The following RBFOX1 variants were observed in gnomAD, a reference collection of about 807,000 sequenced individuals.
RBFOX1 encodes RNA binding fox-1 homolog 1.
Under a neutral mutation model 57.7 loss-of-function variants are expected in RBFOX1, and 8 were observed. The ratio of observed to expected loss-of-function variants is 0.14; its 90% CI spans 0.08 to 0.25. The LOEUF (loss-of-function observed/expected upper bound fraction) is 0.25. Ranked by LOEUF, RBFOX1 falls within the 10% of genes least tolerant of loss-of-function variation. The probability of loss-of-function intolerance (pLI) is 1.00; values close to 1 mark genes in which losing one functional copy is unlikely to be tolerated. For missense variants in RBFOX1, 611 were observed against 548.5 expected (o/e 1.11, Z -1.14); for synonymous variants, 326 against 222.4 (o/e 1.47, Z -4.15).
At chr16:5,305,497 C>G (rs905429965) in intron 1 of RBFOX1, among the ~76,000 whole-genome samples, 1 of 152,092 alleles carries the variant, frequency 6.6e-6, no homozygotes, top group Non-Finnish European at 1.5e-5. Context: ...CTTTAAAGAC[C>G]ATGTTTTACC....
intron 1 of RBFOX1, among the ~76,000 whole-genome samples, chr16:5,258,324 GTATTTAAAAAA>G (rs1187470146): frequency 6.6e-6 from 1 of 152,058 alleles, no homozygotes; most frequent in East Asian, 1.9e-4. Context: ...TTTTTCTGAA[GTATTTAAAAAA>G]TAGTTTACAG....
intron 3 of RBFOX1, among the ~76,000 whole-genome samples, chr16:6,767,353 C>T (rs2077479668): frequency 6.6e-6 from 1 of 152,028 alleles, no homozygotes; most frequent in Non-Finnish European, 1.5e-5. Context: ...ATTTCTCTGC[C>T]CCCCTGAGAA....
At chr16:7,226,611 G>C (rs2093138810) in intron 4 of RBFOX1, among the ~76,000 whole-genome samples, 1 of 152,208 alleles carries the variant, frequency 6.6e-6, no homozygotes, top group Non-Finnish European at 1.5e-5. Context: ...ACAGTGTTAA[G>C]TGCTTTCAGA....
chr16:6,242,890 CAG>C (rs1162152058), intron 1 of RBFOX1, among the ~76,000 whole-genome samples: 5 of 152,172 alleles, frequency 3.3e-5, no homozygotes, highest in Admixed American at 3.3e-4. Flanking sequence ...AAAACTTTAT[CAG>C]AGTCGTGATA....
chr16:7,241,999 G>C (rs1365166619), intron 4 of RBFOX1, among the ~76,000 whole-genome samples: 1 of 151,984 alleles, frequency 6.6e-6, no homozygotes, highest in African/African-American at 2.4e-5. Context: ...TGATACTTTG[G>C]ATTGGTAATC....
chr16:5,642,827 A>G (rs2048925639), intron 3 of RBFOX1, among the ~76,000 whole-genome samples: 1 of 152,096 alleles, frequency 6.6e-6, no homozygotes, highest in Non-Finnish European at 1.5e-5. Context: ...TACAGACATA[A>G]TACTAGAGGC....
intron 2 of RBFOX1, among the ~76,000 whole-genome samples, chr16:6,441,800 C>G (rs919846657): frequency 6.6e-6 from 1 of 152,152 alleles, no homozygotes; most frequent in South Asian, 2.1e-4. Context: ...AGCTTTAGCC[C>G]TTGAAGAGAG....
intron 2 of RBFOX1, among the ~76,000 whole-genome samples, chr16:6,565,482 C>G (rs1600045317): frequency 1.3e-5 from 2 of 151,074 alleles, no homozygotes; most frequent in South Asian, 2.1e-4. Flanking sequence ...TGGTCTCGAT[C>G]TCCTGACCTC....
chr16:7,663,121 C>G (rs906156384), intron 12 of RBFOX1, among the ~76,000 whole-genome samples: 2 of 152,214 alleles, frequency 1.3e-5, no homozygotes, highest in African/African-American at 4.8e-5. Flanking sequence ...GGGACCCAAA[C>G]TAAATATCTG....
intron 3 of RBFOX1, among the ~76,000 whole-genome samples, chr16:6,841,231 C>G (rs920753255): frequency 6.6e-6 from 1 of 152,042 alleles, no homozygotes; most frequent in Non-Finnish European, 1.5e-5. Flanking sequence ...TAATAATGGT[C>G]AGTTATCCTG....
At chr16:7,011,440 C>T (rs2093648198) in intron 3 of RBFOX1, among the ~76,000 whole-genome samples, 1 of 152,070 alleles carries the variant, frequency 6.6e-6, no homozygotes. Context: ...CAGGTTGGGC[C>T]TTCCAAGTTG....
intron 4 of RBFOX1, among the ~76,000 whole-genome samples, chr16:7,107,449 T>G (rs1716312296): frequency 6.6e-6 from 1 of 152,150 alleles, no homozygotes; most frequent in Admixed American, 6.6e-5. Context: ...CTCTCCTTAC[T>G]CAGGAGGCTT....
intron 4 of RBFOX1, chr16:7,510,446 AGAG>A (rs1288026487): frequency 1.4e-6 from 1 of 731,116 alleles, no homozygotes; most frequent in African/African-American, 1.9e-5. Flanking sequence ...CGGGGAAAGG[AGAG>A]GAGTTTTGGT....
intron 3 of RBFOX1, among the ~76,000 whole-genome samples, chr16:7,000,596 C>CTTTTTTTTTTTTTTTTTTTTTTTTTCCT (rs759103545): frequency 1.1e-5 from 1 of 92,596 alleles, no homozygotes; most frequent in African/African-American, 4.2e-5. Context: ...CTTTTTCTTT[C>CTTTTTTTTTTTTTTTTTTTTTTTTTCCT]TTTTTTTTTT....
intron 4 of RBFOX1, among the ~76,000 whole-genome samples, chr16:5,874,868 C>T (rs560131842): frequency 2.0e-5 from 3 of 152,168 alleles, no homozygotes; most frequent in African/African-American, 7.2e-5. Flanking sequence ...TCACTTGGGA[C>T]CCAGGAGTTT....
At chr16:5,855,810 T>C (rs1202613198) in intron 3 of RBFOX1, among the ~76,000 whole-genome samples, 1 of 151,962 alleles carries the variant, frequency 6.6e-6, no homozygotes, top group Non-Finnish European at 1.5e-5. Context: ...TCACTTTGGG[T>C]TGTATGGATA....
chr16:6,219,136 T>C (rs1157077618), intron 1 of RBFOX1, among the ~76,000 whole-genome samples: 2 of 152,166 alleles, frequency 1.3e-5, no homozygotes, highest in Non-Finnish European at 2.9e-5. Context: ...TGGTTGGTGA[T>C]TTTTTATATG....
chr16:7,485,923 T>C (rs1425020433), intron 4 of RBFOX1, among the ~76,000 whole-genome samples: 1 of 152,162 alleles, frequency 6.6e-6, no homozygotes, highest in African/African-American at 2.4e-5. Context: ...TTTATTTACA[T>C]ATTGTTCATG....
intron 3 of RBFOX1, among the ~76,000 whole-genome samples, chr16:6,791,478 G>A (rs1323349948): frequency 7.2e-5 from 11 of 152,260 alleles, no homozygotes; most frequent in South Asian, 4.1e-4. Context: ...AGAGCATCAC[G>A]CCAGTCACAT....
Sources: gnomAD v4.1 joint callset for allele counts (sites outside exome capture counted in the v4.1 genomes callset) on GRCh38, gnomAD v4.1.1 for gene constraint, MANE v1.5 for transcripts, NCBI Gene and HGNC (gene_info 2026-07-23, HGNC 2026-07-21) for gene names.